Variants in HMCN2 observed in about 807,000 individuals in gnomAD.
HMCN2 encodes the protein hemicentin-2.
HMCN2 carries 325 observed loss-of-function variants against 377.5 expected under a neutral mutation model. The observed-to-expected ratio is 0.86, with a 90% confidence interval of 0.79 to 0.94. HMCN2 has a LOEUF of 0.94. Ranked by LOEUF, HMCN2 falls within the 40% of genes least tolerant of loss-of-function variation. The pLI is 0.00. For synonymous variants in HMCN2, 2,007 were observed against 2,046.8 expected (o/e 0.98, Z 0.53); for missense variants, 4,543 against 4,725.3 (o/e 0.96, Z 1.13).
chr9:130,431,062 G>A (rs945495837), intron 95 of HMCN2: 3 of 504,660 alleles, frequency 5.9e-6, no homozygotes, highest in Non-Finnish European at 1.1e-5. Context: ...GGGACAAAGA[G>A]GAGGTGGCCT....
intron 85 of HMCN2, among the ~76,000 whole-genome samples, chr9:130,418,178 A>G (rs1843792288): frequency 6.6e-6 from 1 of 152,178 alleles, no homozygotes; most frequent in African/African-American, 2.4e-5. Context: ...GCCAATCCCA[A>G]TACAGTCAGG....
intron 95 of HMCN2, 141 bp from the exon 96 acceptor site, chr9:130,431,226 G>T (rs1844732489): frequency 7.1e-6 from 6 of 844,336 alleles, no homozygotes; most frequent in Middle Eastern, 3.6e-4. Context: ...CCTGAACCTG[G>T]GCTGGGAGGG....
In HMCN2 at chr9:130,422,326, G is replaced by A. The variant is rs937849053; in HGVS notation, c.13232-251G>A. Among the ~76,000 whole-genome samples the A allele has an allele frequency of 6.6e-6, 1 of 152,228 alleles. No homozygotes were observed. Among genetic ancestry groups the A allele is most frequent in the African/African-American group, 2.4e-5 (1 of 41,454 alleles). On this transcript the variant is annotated intron_variant, in intron 86 of 97. Coordinates refer to ENST00000683500, the MANE Select transcript of HMCN2 (RefSeq NM_001291815.2). The surrounding 1 kb of genome is among the most constrained non-coding windows in gnomAD (Gnocchi z 4.2). ...CTGAGGTGGCCAGGTTTTAAGGAATGGCAGAGCCAGAATTAGAAGCCAGCT... is the reference window on the plus strand; with the variant it reads ...CTGAGGTGGCCAGGTTTTAAGGAATAGCAGAGCCAGAATTAGAAGCCAGCT...
rs1843176835 is a variant in HMCN2, at chr9:130,407,685, T to C, written c.12668T>C (p.Val4223Ala). 1 of 1,254,866 alleles carries C rather than the reference T, an allele frequency of 8.0e-7. No individual in the cohort carries two copies. The highest frequency in any genetic ancestry group is 1.3e-5 in the South Asian group (1 of 78,178). The allele number at this position is 1,254,866 out of a possible 1,614,324, so 77.7% of individuals were successfully genotyped here. A position where few individuals can be genotyped will look rare whatever the true frequency, so the allele number is the denominator to read the frequency against. ...AACAGAGTGGGCCGCACGCAGGCGG[T>C]CAGCTTCGTCCACGTGAAGGGTAGG... ...AENRVGRTQAVSFVHVKEAPV... is the reference protein window; with the variant it reads ...AENRVGRTQAASFVHVKEAPV... The change falls in exon 83 of 98, where the codon GTC (valine) becomes GCC (alanine). Residue 4223 changes from valine to alanine, a missense_variant. Coordinates refer to ENST00000683500, the MANE Select transcript of HMCN2 (RefSeq NM_001291815.2).
chr9:130,266,814 C>A (rs556249692), intron 1 of HMCN2, among the ~76,000 whole-genome samples: 1 of 152,328 alleles, frequency 6.6e-6, no homozygotes, highest in South Asian at 2.1e-4. Context: ...CCCCTTTAAC[C>A]CCCTGCCTTG....
chr9:130,316,557 G>T (rs1434301347), intron 15 of HMCN2, among the ~76,000 whole-genome samples: 2 of 152,142 alleles, frequency 1.3e-5, no homozygotes, highest in Non-Finnish European at 2.9e-5. Context: ...CCCACTTAGA[G>T]CCCCATCCCC....
At chr9:130,313,885 T>A (rs1046487961) in intron 15 of HMCN2, among the ~76,000 whole-genome samples, 1 of 149,598 alleles carries the variant, frequency 6.7e-6, no homozygotes, top group Non-Finnish European at 1.5e-5. Flanking sequence ...GTGCAAGTGA[T>A]CCTCTTGCCT....
At position 130,422,805 on chromosome 9, in the gene HMCN2, T is replaced by C; in HGVS notation, c.13381+79T>C. 8.7e-7 allele frequency: 1 copy of C among 1,153,230 alleles called. No individual in the cohort carries two copies. The highest frequency in any genetic ancestry group is 1.1e-6 in the Non-Finnish European group (1 of 909,682). The allele number at this position is 1,153,230 out of a possible 1,614,324, so 71.4% of individuals were successfully genotyped here. A position where few individuals can be genotyped will look rare whatever the true frequency, so the allele number is the denominator to read the frequency against. ...AGCATCCTCCAGAACATGCTGGACC[T>C]AGGAGGCGCAGAGCCTGTGCCCCGA... On this transcript the variant is annotated intron_variant, in intron 87 of 97. Coordinates refer to ENST00000683500, the MANE Select transcript of HMCN2 (RefSeq NM_001291815.2). This position sits in a 1 kb window ranked among gnomAD's most constrained non-coding sequence, Gnocchi z 4.2.
Position 130,411,938 on chromosome 9 carries a change from A to G in HMCN2, c.12961+1286A>G, listed in dbSNP as rs183648732. On this transcript the variant is annotated intron_variant, in intron 85 of 97. Transcript: ENST00000683500. The stretch of plus-strand genomic sequence containing the variant: ...TACACTTACAAATGGTTCAATGATA[A>G]ATTTTATGTAATGTATTTTTTTTAC... Among the ~76,000 whole-genome samples, 406 of 112,820 alleles carry G rather than the reference A, an allele frequency of 3.6e-3. 1 individual carries two copies. Among genetic ancestry groups the G allele is most frequent in the Non-Finnish European group, 3.4e-3 (173 of 50,176 alleles). 74.0% of individuals were successfully genotyped at this position (112,820 alleles called of 152,430 possible).
chr9:130,425,058 C>T lies in HMCN2; in HGVS notation c.13569C>T (p.Gly4523=), dbSNP rs1844247775. 5.8e-6 allele frequency: 9 copies of T among 1,549,790 alleles called. No individual in the cohort carries two copies. The highest frequency in any genetic ancestry group is 7.8e-6 in the Non-Finnish European group (9 of 1,146,776). ...TQVARGLDPD[G]LLLLDVVVNG... ...TGGCCCGGGGTCTGGATCCCGATGG[C>T]CTCCTGCTCCTCGACGTGGTGGTCA... The change falls in exon 89 of 98, where the codon GGC becomes GGT. Residue 4523 remains glycine, a synonymous_variant. Transcript: ENST00000683500.
intron 14 of HMCN2, 123 bp from the exon 15 acceptor site, chr9:130,309,789 C>T (rs997007008): frequency 3.0e-6 from 1 of 334,240 alleles, no homozygotes; most frequent in Non-Finnish European, 6.1e-6. Flanking sequence ...CCTGCTTCCA[C>T]CCACCATCTC....
chr9:130,344,062 T>G (rs887003387), intron 25 of HMCN2, among the ~76,000 whole-genome samples: 1 of 152,028 alleles, frequency 6.6e-6, no homozygotes, highest in African/African-American at 2.4e-5. Context: ...GATCTCCTTG[T>G]CCTCCTTGTC....
intron 1 of HMCN2, among the ~76,000 whole-genome samples, chr9:130,270,000 A>T (rs1348876180): frequency 6.8e-6 from 1 of 147,780 alleles, no homozygotes; most frequent in East Asian, 1.9e-4. Flanking sequence ...TAGTAGAGAC[A>T]GGGTTTCACC....
At chr9:130,390,158 C>G (rs1842230579) in intron 62 of HMCN2, among the ~76,000 whole-genome samples, 2 of 152,230 alleles carry the variant, frequency 1.3e-5, no homozygotes. Context: ...GAATACCCAC[C>G]CAGGCTCCCG....
intron 12 of HMCN2, 135 bp from the exon 13 acceptor site, chr9:130,306,676 G>A: frequency 5.6e-6 from 2 of 357,736 alleles, no homozygotes; most frequent in South Asian, 4.4e-5. Context: ...TACATAAAGT[G>A]CTTAGCACAG....
At chr9:130,421,660 C>T (rs1844020323) in intron 86 of HMCN2, among the ~76,000 whole-genome samples, 1 of 152,168 alleles carries the variant, frequency 6.6e-6, no homozygotes, top group Admixed American at 6.5e-5. Context: ...GATAGGTTCA[C>T]GGCCCTTCTC....
chr9:130,359,398 G>T lies in HMCN2; in HGVS notation c.5757G>T (p.Ser1919=). ...NASVTLECLA[S]GVPPPDVSWF... ...CAGTGACCTTGGAGTGTCTGGCTTC[G>T]GGCGTGCCCCCTCCTGGTAAGACCC... The change falls in exon 37 of 98, where the codon TCG becomes TCT. Residue 1919 remains serine, a synonymous_variant. Transcript: ENST00000683500. 7.7e-7 allele frequency: 1 copy of T among 1,302,304 alleles called. No homozygotes were observed. 80.7% of individuals were successfully genotyped at this position (1,302,304 alleles called of 1,614,324 possible). A position where few individuals can be genotyped will look rare whatever the true frequency, so the allele number is the denominator to read the frequency against.
At chr9:130,386,730 G>A (rs1842042724) in intron 61 of HMCN2, among the ~76,000 whole-genome samples, 1 of 152,152 alleles carries the variant, frequency 6.6e-6, no homozygotes, top group Admixed American at 6.5e-5. Context: ...GGCTGGTTTC[G>A]AACCCCTGGG....
In HMCN2 at chr9:130,357,917, G is replaced by A. The variant is rs1178928874; in HGVS notation, c.5509G>A (p.Gly1837Arg). 3.1e-6 allele frequency: 4 copies of A among 1,304,204 alleles called. No individual in the cohort carries two copies. In the East Asian group the frequency reaches 2.2e-4, roughly 72 times the overall value. The allele number at this position is 1,304,204 out of a possible 1,614,324, so 80.8% of individuals were successfully genotyped here. A position where few individuals can be genotyped will look rare whatever the true frequency, so the allele number is the denominator to read the frequency against. ...TGTGACCCTCCAGTGCATAGGGGAT[G>A]GGGTGCCCACCCCAAGCCTCCGTTG... is the stretch of plus-strand genomic sequence containing the variant. Reference protein sequence around the residue: ...QPVTLQCIGDGVPTPSLRWWK... With the variant: ...QPVTLQCIGDRVPTPSLRWWK... Residue 1837 changes from glycine to arginine, a missense_variant, in exon 35 of 98, where the codon GGG (glycine) becomes AGG (arginine). Physicochemically the swap from Gly to Arg is moderately radical, Grantham distance 125. Coordinates refer to ENST00000683500, the MANE Select transcript of HMCN2 (RefSeq NM_001291815.2).
Sources: allele counts gnomAD v4.1 joint callset (sites outside exome capture counted in the v4.1 genomes callset), GRCh38; gene constraint gnomAD v4.1.1; non-coding constraint Gnocchi (gnomAD v3.1); transcripts MANE v1.5; gene names NCBI Gene and HGNC (gene_info 2026-07-23, HGNC 2026-07-21).